The following FAM180A variants were observed in gnomAD, a reference collection of about 807,000 sequenced individuals.
FAM180A encodes the protein protein FAM180A.
A neutral mutation model predicts 15.3 loss-of-function variants in FAM180A; 14 were observed. The ratio of observed to expected loss-of-function variants is 0.92; its 90% CI spans 0.61 to 1.43. The LOEUF is 1.43. FAM180A is among the 40% of genes most tolerant of loss of function. The probability of loss-of-function intolerance (pLI) is 0.00; values close to 1 mark genes in which losing one functional copy is unlikely to be tolerated. For missense variants in FAM180A, 200 were observed against 220.8 expected (o/e 0.91, Z 0.60); for synonymous variants, 90 against 96.8 (o/e 0.93, Z 0.41).
chr7:135,733,805 T>C lies in FAM180A; in HGVS notation c.*170A>G. On this transcript the variant is annotated 3_prime_UTR_variant, in exon 3 of 4. Coordinates refer to ENST00000338588, the MANE Select transcript of FAM180A (RefSeq NM_205855.4). ...CATGATGGCATGAATCAGATGTGTC[T>C]TCCAGGAAACTACAAGGAGAAAAGA... is the stretch of plus-strand genomic sequence containing the variant. The C allele has an allele frequency of 7.1e-7, 1 of 1,399,760 alleles. No homozygotes were observed. The allele number at this position is 1,399,760 out of a possible 1,614,324, so 86.7% of individuals were successfully genotyped here. A position where few individuals can be genotyped will look rare whatever the true frequency, so the allele number is the denominator to read the frequency against.
At chr7:135,745,222 C>A (rs2129496267) in intron 1 of FAM180A, among the ~76,000 whole-genome samples, 1 of 152,268 alleles carries the variant, frequency 6.6e-6, no homozygotes, top group East Asian at 1.9e-4. Context: ...ACTGAGGACA[C>A]ACACAACCCT....
intron 1 of FAM180A, among the ~76,000 whole-genome samples, chr7:135,739,113 C>T (rs915118503): frequency 6.6e-6 from 1 of 150,408 alleles, no homozygotes; most frequent in Admixed American, 6.6e-5. Context: ...AGTTTGAGAC[C>T]AGCCTGGTCA....
intron 3 of FAM180A, among the ~76,000 whole-genome samples, chr7:135,732,656 GCACTCCAGC>G (rs1453642747): frequency 2.0e-5 from 3 of 150,698 alleles, no homozygotes; most frequent in Non-Finnish European, 4.4e-5. Flanking sequence ...TAGTGCCACT[GCACTCCAGC>G]CAGGATGGCA....
intron 1 of FAM180A, among the ~76,000 whole-genome samples, chr7:135,744,207 G>A (rs1238369151): frequency 2.0e-5 from 3 of 152,164 alleles, no homozygotes; most frequent in Non-Finnish European, 4.4e-5. Context: ...TGGGTTAAAA[G>A]TCTCTTTCTT....
chr7:135,743,192 G>A (rs1051114966), intron 1 of FAM180A, among the ~76,000 whole-genome samples: 3 of 149,194 alleles, frequency 2.0e-5, no homozygotes, highest in Non-Finnish European at 4.4e-5. Flanking sequence ...CTCCTGCATC[G>A]ATTCTCCTTT....
intron 2 of FAM180A, among the ~76,000 whole-genome samples, chr7:135,735,526 C>A (rs1018240633): frequency 2.0e-5 from 3 of 152,156 alleles, no homozygotes; most frequent in African/African-American, 7.2e-5. Context: ...CTGTCCTCCC[C>A]TGCCCGAATT....
rs575924619 is a variant in FAM180A at position 135,738,351 on chromosome 7, G to A, written c.77-1152C>T. On this transcript the variant is annotated intron_variant, in intron 1 of 3. Coordinates refer to ENST00000338588, the MANE Select transcript of FAM180A (RefSeq NM_205855.4). ...TGGGATTACAGATGTGTGCCACCAC[G>A]CTCGGCTAATTGTTGCATTTTTAGT... is the stretch of plus-strand genomic sequence containing the variant. Among the ~76,000 whole-genome samples, 50 of 152,256 alleles carry A rather than the reference G, an allele frequency of 3.3e-4. 2 individuals are homozygous for A. In the South Asian group the frequency reaches 7.5e-3, roughly 23 times the overall value.
intron 1 of FAM180A, among the ~76,000 whole-genome samples, chr7:135,739,637 G>C (rs1299227796): frequency 6.8e-6 from 1 of 147,910 alleles, no homozygotes. Flanking sequence ...AAAAGGCAGG[G>C]AAGGATGGAA....
At chr7:135,737,788 A>C (rs1423598364) in intron 1 of FAM180A, among the ~76,000 whole-genome samples, 1 of 152,094 alleles carries the variant, frequency 6.6e-6, no homozygotes, top group Non-Finnish European at 1.5e-5. Flanking sequence ...AGAAAAAGAA[A>C]AAGGAAGAAC....
intron 1 of FAM180A, among the ~76,000 whole-genome samples, chr7:135,742,051 T>C: frequency 6.6e-6 from 1 of 152,090 alleles, no homozygotes; most frequent in East Asian, 1.9e-4. Flanking sequence ...GTGCTGCCCC[T>C]CACATTTCTG....
At position 135,733,655 on chromosome 7, in the gene FAM180A, C is replaced by T; in HGVS notation, c.*320G>A. ...AGCCTCTGTGCCCGGCCTGTTCTCA[C>T]TCTTGAGTGTGTGGCCACTGCTCTG... On this transcript the variant is annotated 3_prime_UTR_variant, in exon 3 of 4. Coordinates refer to ENST00000338588, the MANE Select transcript of FAM180A (RefSeq NM_205855.4). 1 of 1,103,552 alleles carries T rather than the reference C, an allele frequency of 9.1e-7. No individual in the cohort carries two copies. The highest frequency in any genetic ancestry group is 1.1e-6 in the Non-Finnish European group (1 of 906,816). 68.4% of individuals were successfully genotyped at this position (1,103,552 alleles called of 1,614,324 possible).
chr7:135,742,538 C>T (rs908686211), intron 1 of FAM180A, among the ~76,000 whole-genome samples: 1 of 152,238 alleles, frequency 6.6e-6, no homozygotes, highest in Non-Finnish European at 1.5e-5. Context: ...CTCAGCTCCT[C>T]CTCGATTCCC....
At position 135,748,537 on chromosome 7, in the gene FAM180A, G is replaced by A; in HGVS notation, c.44C>T (p.Ala15Val). ...CCACCTGTGGCACATAGAAGCCTCA[G>A]CATTGTAATACAACAGCAGAAGCAG... ...MLLLLLLYYN[A>V]EASMCHRWSR... Residue 15 changes from alanine to valine, a missense_variant, in exon 1 of 4, where the codon GCT (alanine) becomes GTT (valine). By Grantham distance (64) the Ala-to-Val change is moderately conservative. Coordinates refer to ENST00000338588, the MANE Select transcript of FAM180A (RefSeq NM_205855.4). 1.2e-6 allele frequency: 2 copies of A among 1,614,150 alleles called. No individual in the cohort carries two copies. The highest frequency in any genetic ancestry group is 1.1e-5 in the South Asian group (1 of 91,078).
In FAM180A at chr7:135,748,517, T is replaced by A; in HGVS notation, c.64A>T (p.Arg22Trp). 6.2e-7 allele frequency: 1 copy of A among 1,613,718 alleles called. No individual in the cohort carries two copies. The highest frequency in any genetic ancestry group is 8.5e-7 in the Non-Finnish European group (1 of 1,179,584). Residue 22 changes from arginine (R) to tryptophan (W), a missense_variant, in exon 1 of 4, where the codon AGG becomes TGG. Arg to Trp is a moderately radical substitution (Grantham distance 101). Transcript: ENST00000338588. The part of the protein sequence containing the change: ...YYNAEASMCH[R>W]WSRAVLFPAA... The stretch of plus-strand genomic sequence containing the variant: ...AAAAGCAACTCACCCCTGCTCCACC[T>A]GTGGCACATAGAAGCCTCAGCATTG...
intron 1 of FAM180A, among the ~76,000 whole-genome samples, chr7:135,737,611 A>G (rs928598990): frequency 9.2e-5 from 13 of 141,652 alleles, no homozygotes; most frequent in Non-Finnish European, 1.8e-4. Context: ...AAAAAAAAGA[A>G]AGAAAAAAAA....
chr7:135,734,471 TG>T, intron 2 of FAM180A, 152 bp from the exon 3 acceptor site: 1 of 705,940 alleles, frequency 1.4e-6, no homozygotes, highest in Non-Finnish European at 2.3e-6. Context: ...ACTTGCTGTG[TG>T]AACTTGGACA....
At chr7:135,731,901 C>T (rs1033363699) in intron 3 of FAM180A, among the ~76,000 whole-genome samples, 10 of 152,192 alleles carry the variant, frequency 6.6e-5, no homozygotes, top group African/African-American at 2.4e-4. Flanking sequence ...ATTTCAGAAT[C>T]AAATTTAGCC....
intron 3 of FAM180A, among the ~76,000 whole-genome samples, 158 bp from the exon 4 acceptor site, chr7:135,730,439 G>A (rs895080647): frequency 6.6e-6 from 1 of 152,192 alleles, no homozygotes; most frequent in Admixed American, 6.5e-5. Flanking sequence ...AGCTACTTGG[G>A]AGGCTGAGGT....
chr7:135,744,256 G>C (rs1046483736), intron 1 of FAM180A, among the ~76,000 whole-genome samples: 11 of 152,114 alleles, frequency 7.2e-5, no homozygotes, highest in Non-Finnish European at 1.5e-4. Flanking sequence ...TCAGTAGTAT[G>C]GTATTCAGGC....
Sources: allele counts gnomAD v4.1 joint callset (sites outside exome capture counted in the v4.1 genomes callset), GRCh38; gene constraint gnomAD v4.1.1; transcripts MANE v1.5; gene names NCBI Gene and HGNC (gene_info 2026-07-23, HGNC 2026-07-21).